CNTNAP2: variants seen among roughly 807,000 people sequenced by gnomAD.
CNTNAP2 encodes contactin associated protein 2.
CNTNAP2 carries 98 observed loss-of-function variants against 155.2 expected under a neutral mutation model. The ratio of observed to expected loss-of-function variants is 0.63; its 90% CI spans 0.54 to 0.75. The LOEUF is 0.75. CNTNAP2 is among the 30% of genes least tolerant of loss of function. The pLI is 0.00. For missense variants in CNTNAP2, 1,727 were observed against 1,688.1 expected (o/e 1.02, Z -0.40); for synonymous variants, 651 against 631.2 (o/e 1.03, Z -0.47).
At chr7:147,275,431 G>GTA (rs1300299350) in intron 8 of CNTNAP2, among the ~76,000 whole-genome samples, 2 of 151,876 alleles carry the variant, frequency 1.3e-5, no homozygotes, top group Non-Finnish European at 2.9e-5. Context: ...GTGTGTGTGT[G>GTA]TGTGTGGCTA....
At chr7:147,263,127 GC>G (rs1296876516) in intron 8 of CNTNAP2, among the ~76,000 whole-genome samples, 1 of 152,092 alleles carries the variant, frequency 6.6e-6, no homozygotes, top group Non-Finnish European at 1.5e-5. Context: ...CAGGTGGATT[GC>G]TTTGGCCCAG....
intron 13 of CNTNAP2, among the ~76,000 whole-genome samples, chr7:147,726,002 G>A (rs930609492): frequency 8.6e-5 from 13 of 152,032 alleles, no homozygotes; most frequent in African/African-American, 3.1e-4. Context: ...AACAACAGGA[G>A]ATAGGTAATA....
intron 1 of CNTNAP2, among the ~76,000 whole-genome samples, chr7:146,194,437 A>G (rs1798748511): frequency 6.6e-6 from 1 of 152,168 alleles, no homozygotes; most frequent in African/African-American, 2.4e-5. Flanking sequence ...CCCTTTATAA[A>G]ACCATCATAT....
At chr7:147,633,373 A>C (rs1462154013) in intron 12 of CNTNAP2, among the ~76,000 whole-genome samples, 1 of 152,318 alleles carries the variant, frequency 6.6e-6, no homozygotes, top group African/African-American at 2.4e-5. Context: ...TCAAGCTCTC[A>C]TAGAGATCCT....
At chr7:146,820,187 T>G (rs1208424464) in intron 2 of CNTNAP2, among the ~76,000 whole-genome samples, 1 of 152,140 alleles carries the variant, frequency 6.6e-6, no homozygotes, top group Admixed American at 6.6e-5. Context: ...AGTTTTATGT[T>G]TTTTCAGAGT....
chr7:146,460,155 T>TATA (rs1796615557), intron 1 of CNTNAP2, among the ~76,000 whole-genome samples: 1 of 152,218 alleles, frequency 6.6e-6, no homozygotes, highest in African/African-American at 2.4e-5. Context: ...ATAGGTTATA[T>TATA]ATAAATTAAT....
At chr7:146,465,541 T>C (rs576234717) in intron 1 of CNTNAP2, among the ~76,000 whole-genome samples, 2 of 152,190 alleles carry the variant, frequency 1.3e-5, no homozygotes, top group Non-Finnish European at 2.9e-5. Flanking sequence ...AGGTGGGCTG[T>C]TCCCTAGTCT....
intron 13 of CNTNAP2, among the ~76,000 whole-genome samples, chr7:147,650,430 T>C (rs538689229): frequency 6.6e-6 from 1 of 152,310 alleles, no homozygotes; most frequent in Non-Finnish European, 1.5e-5. Context: ...CTTCTGTCTC[T>C]ACCACCTCTG....
At chr7:147,032,302 C>G (rs1799050546) in intron 3 of CNTNAP2, among the ~76,000 whole-genome samples, 1 of 152,218 alleles carries the variant, frequency 6.6e-6, no homozygotes, top group South Asian at 2.1e-4. Flanking sequence ...AGTAACCCCA[C>G]TATGCATTTA....
chr7:146,195,116 G>A (rs919830715), intron 1 of CNTNAP2: 4 of 152,152 alleles, frequency 2.6e-5, no homozygotes, highest in African/African-American at 9.7e-5. Flanking sequence ...AACAGATGCT[G>A]CAAGTATTAC....
rs1288450066 is a variant in CNTNAP2 at position 147,236,207 on chromosome 7, A to G, written c.1349-63934A>G. 2.6e-5 allele frequency among the ~76,000 whole-genome samples: 4 copies of G among 152,190 alleles called. No homozygotes were observed. In the East Asian group the frequency reaches 7.7e-4, roughly 29 times the overall value. On this transcript the variant is annotated intron_variant, in intron 8 of 23. Transcript: ENST00000361727. ...CTACTGCAGGGACGCTGTCTTCACTAACACTTCATATCAAGCCATTCTCAC... is the reference window on the plus strand; with the variant it reads ...CTACTGCAGGGACGCTGTCTTCACTGACACTTCATATCAAGCCATTCTCAC...
intron 11 of CNTNAP2, among the ~76,000 whole-genome samples, chr7:147,498,195 C>T (rs1024950789): frequency 6.6e-6 from 1 of 150,812 alleles, no homozygotes; most frequent in Non-Finnish European, 1.5e-5. Context: ...AAAAAAATCT[C>T]CTCTCTTCTC....
At chr7:146,319,862 T>A (rs1462480321) in intron 1 of CNTNAP2, among the ~76,000 whole-genome samples, 2 of 152,144 alleles carry the variant, frequency 1.3e-5, no homozygotes, top group Admixed American at 1.3e-4. Flanking sequence ...CTGACTAATA[T>A]GTCCCTTGAG....
chr7:146,404,139 A>ACAAAC (rs770925187), intron 1 of CNTNAP2, among the ~76,000 whole-genome samples: 4 of 147,344 alleles, frequency 2.7e-5, no homozygotes, highest in African/African-American at 5.1e-5. Context: ...AAAAAAAAAA[A>ACAAAC]AAACAAAGAA....
intron 12 of CNTNAP2, among the ~76,000 whole-genome samples, chr7:147,589,096 A>C (rs1348882384): frequency 6.6e-6 from 1 of 152,178 alleles, no homozygotes; most frequent in African/African-American, 2.4e-5. Context: ...AAAAGAAAAA[A>C]ACTCTACCAC....
intron 1 of CNTNAP2, among the ~76,000 whole-genome samples, chr7:146,500,508 G>A (rs1008882035): frequency 2.6e-5 from 4 of 152,058 alleles, no homozygotes; most frequent in Non-Finnish European, 1.5e-5. Flanking sequence ...GCTATAATCC[G>A]GTGAGTTTCA....
At chr7:147,637,110 C>G (rs1795193507) in intron 12 of CNTNAP2, among the ~76,000 whole-genome samples, 1 of 152,114 alleles carries the variant, frequency 6.6e-6, no homozygotes, top group African/African-American at 2.4e-5. Flanking sequence ...GGGACTTCAG[C>G]TGTTTTAAGG....
chr7:147,863,975 T>C (rs1325474101), intron 13 of CNTNAP2, among the ~76,000 whole-genome samples: 1 of 152,190 alleles, frequency 6.6e-6, no homozygotes, highest in African/African-American at 2.4e-5. Flanking sequence ...CCATTGCTTT[T>C]GGTGTTTTAG....
chr7:147,508,021 A>G lies in CNTNAP2; in HGVS notation c.1777+21980A>G, dbSNP rs73744133. 3.1e-3 allele frequency among the ~76,000 whole-genome samples: 466 copies of G among 152,200 alleles called. 3 individuals carry two copies. Among genetic ancestry groups the G allele is most frequent in the African/African-American group, 0.011 (453 of 41,518 alleles). ...GCTGTGTCCTCAGGCTTTCCTTCTC[A>G]ACATATGCACTTACCCTTACTGTCC... On this transcript the variant is annotated intron_variant, in intron 11 of 23. Coordinates refer to ENST00000361727, the MANE Select transcript of CNTNAP2 (RefSeq NM_014141.6).
Sources: gnomAD v4.1 joint callset for allele counts (sites outside exome capture counted in the v4.1 genomes callset) on GRCh38, gnomAD v4.1.1 for gene constraint, MANE v1.5 for transcripts, NCBI Gene and HGNC (gene_info 2026-07-23, HGNC 2026-07-21) for gene names.